CORIN: variants seen among roughly 807,000 people sequenced by gnomAD.
The protein encoded by CORIN is atrial natriuretic peptide-converting enzyme.
Under a neutral mutation model 125.3 loss-of-function variants are expected in CORIN, and 117 were observed. That is an observed-to-expected ratio of 0.93 (90% CI 0.80 to 1.09). The LOEUF (loss-of-function observed/expected upper bound fraction) is 1.09. Among genes scored for constraint, CORIN ranks in the 50% least tolerant of loss-of-function variants. The probability of loss-of-function intolerance (pLI) is 0.00; values close to 1 mark genes in which losing one functional copy is unlikely to be tolerated. For synonymous variants in CORIN, 450 were observed against 466.4 expected (o/e 0.96, Z 0.45); for missense variants, 1,253 against 1,306.7 (o/e 0.96, Z 0.63).
At chr4:47,659,269 A>T (rs1724139096) in intron 12 of CORIN, among the ~76,000 whole-genome samples, 1 of 152,162 alleles carries the variant, frequency 6.6e-6, no homozygotes, top group South Asian at 2.1e-4. Flanking sequence ...AAACTCTTCC[A>T]ACCCCTGCCT....
intron 1 of CORIN, among the ~76,000 whole-genome samples, chr4:47,829,311 A>G (rs893757941): frequency 2.0e-5 from 3 of 152,142 alleles, no homozygotes; most frequent in Non-Finnish European, 4.4e-5. Context: ...CAGTGCAGCT[A>G]CTAGACAATC....
At chr4:47,792,123 G>A (rs1291304515) in intron 2 of CORIN, among the ~76,000 whole-genome samples, 1 of 152,136 alleles carries the variant, frequency 6.6e-6, no homozygotes, top group Non-Finnish European at 1.5e-5. Context: ...AAGTATTTGT[G>A]GGGAGGAGAG....
intron 21 of CORIN, among the ~76,000 whole-genome samples, chr4:47,599,778 G>A (rs1408592036): frequency 1.3e-5 from 2 of 152,110 alleles, no homozygotes; most frequent in African/African-American, 4.8e-5. Flanking sequence ...CTGGAAGTTG[G>A]GGTGTTGATG....
intron 10 of CORIN, among the ~76,000 whole-genome samples, chr4:47,668,177 A>G (rs548746998): frequency 6.6e-6 from 1 of 152,392 alleles, no homozygotes; most frequent in Non-Finnish European, 1.5e-5. Flanking sequence ...GATTTGTTAT[A>G]GCAGTCTGAA....
intron 2 of CORIN, among the ~76,000 whole-genome samples, chr4:47,801,359 C>T (rs1276360037): frequency 6.6e-6 from 1 of 152,168 alleles, no homozygotes; most frequent in African/African-American, 2.4e-5. Context: ...TGGTTAGATA[C>T]AGGAGGCAGA....
chr4:47,823,870 A>G (rs184008596), intron 1 of CORIN, among the ~76,000 whole-genome samples: 1 of 151,938 alleles, frequency 6.6e-6, no homozygotes, highest in East Asian at 1.9e-4. Flanking sequence ...TCCTCCTCCT[A>G]CTCAGACCCT....
chr4:47,821,697 A>G (rs2109976208), intron 1 of CORIN, among the ~76,000 whole-genome samples: 1 of 152,282 alleles, frequency 6.6e-6, no homozygotes, highest in East Asian at 1.9e-4. Context: ...TATTTTTTAA[A>G]TGATTGTCTC....
chr4:47,618,612 G>A (rs953192334), intron 19 of CORIN, among the ~76,000 whole-genome samples: 2 of 152,016 alleles, frequency 1.3e-5, no homozygotes, highest in African/African-American at 4.8e-5. Flanking sequence ...AAGGTCAGGA[G>A]ATCGAGACCA....
At chr4:47,742,549 T>C (rs894084663) in intron 5 of CORIN, among the ~76,000 whole-genome samples, 4 of 152,046 alleles carry the variant, frequency 2.6e-5, no homozygotes, top group Non-Finnish European at 4.4e-5. Flanking sequence ...AAGATCTCTA[T>C]GGTTAAACCT....
At chr4:47,683,005 T>C (rs1725355873) in intron 7 of CORIN, 18 of 152,236 alleles carry the variant, frequency 1.2e-4, no homozygotes, top group Admixed American at 1.2e-3. Context: ...CAGGACATTG[T>C]CTGATATCAT....
intron 3 of CORIN, among the ~76,000 whole-genome samples, chr4:47,782,387 G>GAAAAAA (rs1265689215): frequency 4.9e-5 from 3 of 61,596 alleles, no homozygotes; most frequent in African/African-American, 1.2e-4. Flanking sequence ...TCCATCTCAA[G>GAAAAAA]AAAAAAAAAA....
intron 5 of CORIN, among the ~76,000 whole-genome samples, chr4:47,698,555 A>G (rs1726142166): frequency 6.6e-6 from 1 of 152,074 alleles, no homozygotes; most frequent in South Asian, 2.1e-4. Flanking sequence ...GGACTTTGTA[A>G]CTTTAACACA....
At chr4:47,600,988 A>G (rs1721427759) in intron 20 of CORIN, among the ~76,000 whole-genome samples, 1 of 152,224 alleles carries the variant, frequency 6.6e-6, no homozygotes, top group Non-Finnish European at 1.5e-5. Context: ...TCTTGAAGCA[A>G]GACAGCATGA....
chr4:47,730,333 C>G (rs558437921), intron 5 of CORIN, among the ~76,000 whole-genome samples: 8 of 151,930 alleles, frequency 5.3e-5, no homozygotes, highest in African/African-American at 1.9e-4. Flanking sequence ...ATTAGCCAGG[C>G]GTGGTGGCGG....
intron 3 of CORIN, among the ~76,000 whole-genome samples, chr4:47,775,688 G>A (rs1266611892): frequency 1.3e-5 from 2 of 152,140 alleles, no homozygotes; most frequent in African/African-American, 4.8e-5. Flanking sequence ...GCTGAAGAGG[G>A]AGAAAGTTGG....
chr4:47,710,070 A>G (rs1001204780), intron 5 of CORIN, among the ~76,000 whole-genome samples: 1 of 152,248 alleles, frequency 6.6e-6, no homozygotes, highest in African/African-American at 2.4e-5. Context: ...AATTTATTCA[A>G]TGACATTTTG....
intron 3 of CORIN, among the ~76,000 whole-genome samples, chr4:47,769,030 G>A (rs970086838): frequency 9.9e-5 from 15 of 152,156 alleles, no homozygotes; most frequent in African/African-American, 2.6e-4. Context: ...GAAGTTAAAC[G>A]GTCTCTGTTT....
intron 16 of CORIN, among the ~76,000 whole-genome samples, chr4:47,635,573 G>T (rs1477868492): frequency 6.6e-6 from 1 of 152,190 alleles, no homozygotes; most frequent in African/African-American, 2.4e-5. Context: ...CTAAAGTTTA[G>T]TGGGCAAGTG....
intron 4 of CORIN, among the ~76,000 whole-genome samples, chr4:47,749,729 T>C (rs559312364): frequency 1.5e-4 from 23 of 152,352 alleles, no homozygotes; most frequent in African/African-American, 5.3e-4. Context: ...GCTACTGAGT[T>C]TGATGTTCTA....
Sources: allele counts gnomAD v4.1 joint callset (sites outside exome capture counted in the v4.1 genomes callset), GRCh38; gene constraint gnomAD v4.1.1; transcripts MANE v1.5; gene names NCBI Gene and HGNC (gene_info 2026-07-23, HGNC 2026-07-21).